The following KLF12 variants were observed in gnomAD, a reference collection of about 807,000 sequenced individuals.
The protein encoded by KLF12 is KLF transcription factor 12, also known as Krueppel-like factor 12.
Under a neutral mutation model 37.8 loss-of-function variants are expected in KLF12, and 9 were observed. That is an observed-to-expected ratio of 0.24 (90% CI 0.14 to 0.42). The LOEUF (loss-of-function observed/expected upper bound fraction) is 0.42. Ranked by LOEUF, KLF12 falls within the 10% of genes least tolerant of loss-of-function variation. The probability of loss-of-function intolerance (pLI) is 1.00; values close to 1 mark genes in which losing one functional copy is unlikely to be tolerated. For synonymous variants in KLF12, 208 were observed against 202.1 expected (o/e 1.03, Z -0.25); for missense variants, 411 against 516.0 (o/e 0.80, Z 1.97).
intron 1 of KLF12, among the ~76,000 whole-genome samples, chr13:74,017,453 T>C (rs1373611520): frequency 6.6e-6 from 1 of 151,190 alleles, no homozygotes; most frequent in Non-Finnish European, 1.5e-5. Context: ...AAATTCTATT[T>C]TCATCTAGTT....
chr13:73,689,513 T>C lies in KLF12; in HGVS notation c.*5977A>G, dbSNP rs2137513447. The C allele has an allele frequency of 6.6e-6, 1 of 152,286 alleles. No individual in the cohort carries two copies. The highest frequency in any genetic ancestry group is 1.9e-4 in the East Asian group (1 of 5,172). 9.4% of individuals were successfully genotyped at this position (152,286 alleles called of 1,614,324 possible). A position where few individuals can be genotyped will look rare whatever the true frequency, so the allele number is the denominator to read the frequency against. ...TGTCTATTCATATAGTCTCATTGTA[T>C]ATTTCTATCCATGACTCCACTTTTA... On this transcript the variant is annotated 3_prime_UTR_variant, in exon 8 of 8. Coordinates refer to ENST00000377669, the MANE Select transcript of KLF12 (RefSeq NM_007249.5).
In KLF12 at chr13:73,952,617, T is replaced by C. The variant is rs545026945; in HGVS notation, c.34-8547A>G. ...GGTAATTCATTTCTTCAAAAATGTT[T>C]CTGTAATGCCTGTTGGGTGCTACTT... On this transcript the variant is annotated intron_variant, in intron 2 of 7. Coordinates refer to ENST00000377669, the MANE Select transcript of KLF12 (RefSeq NM_007249.5). 3.3e-5 allele frequency among the ~76,000 whole-genome samples: 5 copies of C among 152,348 alleles called. No individual in the cohort carries two copies. In the South Asian group the frequency reaches 8.3e-4, roughly 25 times the overall value.
chr13:73,721,406 T>A (rs989660273), intron 6 of KLF12, among the ~76,000 whole-genome samples: 2 of 152,214 alleles, frequency 1.3e-5, no homozygotes, highest in African/African-American at 4.8e-5. Context: ...CACACATAAG[T>A]GTTATTGAAT....
rs533135255 is a variant in KLF12, at chr13:73,878,854, C to T, written c.124-32481G>A. On this transcript the variant is annotated intron_variant, in intron 3 of 7. Transcript: ENST00000377669. ...GGGCACCCAAGGAATCCCTGGGAGG[C>T]CAGGGGAGGTGTGGCAGGAAACATG... Among the ~76,000 whole-genome samples the T allele has an allele frequency of 5.9e-5, 9 of 151,968 alleles. No homozygotes were observed. The East Asian group carries it at 1.7e-3, about 30-fold the overall frequency.
intron 1 of KLF12, among the ~76,000 whole-genome samples, chr13:74,059,926 T>C (rs1873474862): frequency 6.6e-6 from 1 of 152,222 alleles, no homozygotes; most frequent in Non-Finnish European, 1.5e-5. Context: ...TTAATCCATC[T>C]TAATTTTTGT....
chr13:74,142,728 A>G, the KLF12 span, among the ~76,000 whole-genome samples: 7 of 152,324 alleles, frequency 4.6e-5, no homozygotes, highest in East Asian at 1.3e-3. Flanking sequence ...ACCTGTAAAT[A>G]TAGTTGCCTA....
chr13:74,209,327 C>T, the KLF12 span, among the ~76,000 whole-genome samples: 18 of 151,924 alleles, frequency 1.2e-4, no homozygotes, highest in African/African-American at 3.9e-4. Flanking sequence ...ATTTTTTTCC[C>T]GTTTAAAAAG....
chr13:73,703,525 T>C (rs2137595975), intron 7 of KLF12, among the ~76,000 whole-genome samples: 1 of 152,306 alleles, frequency 6.6e-6, no homozygotes, highest in Admixed American at 6.5e-5. Flanking sequence ...ATTGGCTATC[T>C]TTTTCATTAG....
chr13:73,852,936 C>T (rs1315812957), intron 3 of KLF12, among the ~76,000 whole-genome samples: 1 of 146,378 alleles, frequency 6.8e-6, no homozygotes, highest in African/African-American at 2.5e-5. Context: ...GTGGCGCGAT[C>T]TCAGCTCATT....
At chr13:73,786,189 G>A (rs145205905) in intron 5 of KLF12, among the ~76,000 whole-genome samples, 201 of 152,290 alleles carry the variant, frequency 1.3e-3, no homozygotes, top group Non-Finnish European at 2.6e-3. Context: ...GCAGTGAGTG[G>A]CAGAGGTGTT....
At chr13:73,980,482 TATC>T (rs1331695067) in intron 2 of KLF12, among the ~76,000 whole-genome samples, 2 of 152,220 alleles carry the variant, frequency 1.3e-5, no homozygotes, top group African/African-American at 2.4e-5. Flanking sequence ...GATATAAAAT[TATC>T]ATGATGAAGT....
At chr13:73,947,201 C>T (rs1890464197) in intron 2 of KLF12, among the ~76,000 whole-genome samples, 1 of 152,154 alleles carries the variant, frequency 6.6e-6, no homozygotes, top group Non-Finnish European at 1.5e-5. Flanking sequence ...TGTTACACAA[C>T]CCTCAAGAAA....
rs1889351987 is a variant in KLF12 at position 73,925,885 on chromosome 13, T to A, written c.123+18096A>T. Among the ~76,000 whole-genome samples the A allele has an allele frequency of 2.6e-5, 4 of 152,264 alleles. No homozygotes were observed. In the South Asian group the frequency reaches 8.3e-4, roughly 32 times the overall value. ...CTTCAGCGGAGGAAGGAACTGCAGA[T>A]GTGGTGGAAATAGCAAGAGAACTAG... On this transcript the variant is annotated intron_variant, in intron 3 of 7. Coordinates refer to ENST00000377669, the MANE Select transcript of KLF12 (RefSeq NM_007249.5).
chr13:73,754,229 T>A (rs1172636871), intron 6 of KLF12, among the ~76,000 whole-genome samples: 1 of 152,154 alleles, frequency 6.6e-6, no homozygotes, highest in African/African-American at 2.4e-5. Flanking sequence ...TCTTTCCATT[T>A]AAAAAAATGC....
intron 1 of KLF12, among the ~76,000 whole-genome samples, chr13:74,119,013 T>C (rs1042354538): frequency 6.6e-6 from 1 of 152,150 alleles, no homozygotes; most frequent in Non-Finnish European, 1.5e-5. Context: ...TACTGTTCTC[T>C]TATATATAAT....
chr13:74,243,962 A>G, the KLF12 span, among the ~76,000 whole-genome samples: 1 of 152,190 alleles, frequency 6.6e-6, no homozygotes, highest in Non-Finnish European at 1.5e-5. Context: ...TGTTTTAATG[A>G]ACATATGTTG....
chr13:73,808,578 T>C (rs1882769087), intron 5 of KLF12, among the ~76,000 whole-genome samples: 1 of 152,210 alleles, frequency 6.6e-6, no homozygotes, highest in South Asian at 2.1e-4. Flanking sequence ...GGTAGATGTA[T>C]CTTGGTTAAC....
At chr13:73,789,004 G>T (rs1881509374) in intron 5 of KLF12, among the ~76,000 whole-genome samples, 1 of 152,126 alleles carries the variant, frequency 6.6e-6, no homozygotes, top group Non-Finnish European at 1.5e-5. Context: ...TATTCAGACT[G>T]CATTTTCTGC....
intron 1 of KLF12, among the ~76,000 whole-genome samples, chr13:74,066,916 T>C (rs1337825494): frequency 1.3e-5 from 2 of 152,186 alleles, no homozygotes; most frequent in South Asian, 2.1e-4. Flanking sequence ...ATAGGTACTT[T>C]GAAGACCATT....
Sources: allele counts gnomAD v4.1 joint callset (sites outside exome capture counted in the v4.1 genomes callset), GRCh38; gene constraint gnomAD v4.1.1; transcripts MANE v1.5; gene names NCBI Gene and HGNC (gene_info 2026-07-23, HGNC 2026-07-21).